Variants in MAP3K13 observed in about 807,000 individuals in gnomAD.
MAP3K13 encodes the protein mitogen-activated protein kinase kinase kinase 13.
A neutral mutation model predicts 104.0 loss-of-function variants in MAP3K13; 52 were observed. The observed-to-expected ratio is 0.50, with a 90% CI of 0.40 to 0.63. The LOEUF is 0.63. Among genes scored for constraint, MAP3K13 ranks in the 20% least tolerant of loss-of-function variants. The probability of loss-of-function intolerance (pLI) is 0.00; values close to 1 mark genes in which losing one functional copy is unlikely to be tolerated. For synonymous variants in MAP3K13, 394 were observed against 442.2 expected, an observed-to-expected ratio of 0.89 and a Z score of 1.37; for missense variants, 914 against 1,218.5, an observed-to-expected ratio of 0.75 and a Z score of 3.72.
chr3:185,323,377 C>G (rs553708180), intron 2 of MAP3K13, among the ~76,000 whole-genome samples: 1 of 141,222 alleles, frequency 7.1e-6, no homozygotes, highest in African/African-American at 2.7e-5. Context: ...GCTCTTGTTG[C>G]CCAGGCCGGA....
At chr3:185,359,920 TA>T (rs1268541413), upstream of MAP3K13, among the ~76,000 whole-genome samples, 8 of 151,640 alleles carry the variant, frequency 5.3e-5, no homozygotes, top group African/African-American at 1.9e-4. Context: ...TTTCCTTTTT[TA>T]AAAACACATT....
chr3:185,419,567 T>G (rs921523534), intron 1 of MAP3K13, among the ~76,000 whole-genome samples: 1 of 152,180 alleles, frequency 6.6e-6, no homozygotes, highest in Non-Finnish European at 1.5e-5. Context: ...AAACATAATT[T>G]CTTAAAATGC....
At chr3:185,287,502 T>G (rs923083341) in intron 2 of MAP3K13, among the ~76,000 whole-genome samples, 1 of 152,220 alleles carries the variant, frequency 6.6e-6, no homozygotes, top group African/African-American at 2.4e-5. Flanking sequence ...TTCTGGTGAC[T>G]TTTACTTCGA....
chr3:185,314,967 T>A (rs1226838514), intron 2 of MAP3K13, among the ~76,000 whole-genome samples: 2 of 152,000 alleles, frequency 1.3e-5, no homozygotes, highest in East Asian at 3.9e-4. Flanking sequence ...AACTGATACA[T>A]GTTGGCCAGG....
chr3:185,367,768 A>C (rs886455477), intron 1 of MAP3K13, among the ~76,000 whole-genome samples: 3 of 152,006 alleles, frequency 2.0e-5, no homozygotes, highest in Non-Finnish European at 4.4e-5. Context: ...GCTATTTCTT[A>C]AATTTTTTAT....
intron 2 of MAP3K13, among the ~76,000 whole-genome samples, chr3:185,354,083 G>GT (rs1358373876): frequency 1.3e-5 from 2 of 152,076 alleles, no homozygotes; most frequent in Non-Finnish European, 2.9e-5. Flanking sequence ...TAAGTAAATC[G>GT]TAAGTATCGG....
chr3:185,451,911 A>G (rs574173465), intron 7 of MAP3K13, among the ~76,000 whole-genome samples: 1 of 152,064 alleles, frequency 6.6e-6, no homozygotes, highest in East Asian at 1.9e-4. Context: ...AAGAAAAAAC[A>G]CGTGTCAGAA....
chr3:185,304,341 G>A (rs1382517105), intron 2 of MAP3K13, among the ~76,000 whole-genome samples: 1 of 152,130 alleles, frequency 6.6e-6, no homozygotes, highest in African/African-American at 2.4e-5. Context: ...TTGGTCTGTA[G>A]GGTTGTATAA....
intron 7 of MAP3K13, among the ~76,000 whole-genome samples, chr3:185,455,716 G>T (rs752623529): frequency 0.037 from 398 of 10,838 alleles, 142 homozygotes; most frequent in Non-Finnish European, 0.074. Context: ...ATATATATGA[G>T]ATATATATGA....
At chr3:185,333,083 T>A (rs1047902200) in intron 2 of MAP3K13, among the ~76,000 whole-genome samples, 4 of 152,236 alleles carry the variant, frequency 2.6e-5, no homozygotes, top group African/African-American at 9.6e-5. Flanking sequence ...TTCTGTGAAC[T>A]CTTCATATTC....
At chr3:185,291,749 CCT>C (rs1355510297) in intron 2 of MAP3K13, 7 of 1,488,406 alleles carry the variant, frequency 4.7e-6, no homozygotes, top group Non-Finnish European at 6.2e-6. Context: ...TCCATTGAAC[CCT>C]CTCACAAAAG....
In MAP3K13 at chr3:185,329,711, T is replaced by C. The variant is rs573787546; in HGVS notation, c.-86+44068T>C. ...TGTCTTGAGATTAGGATCCAGGAAC[T>C]ACACATTGTTACACAAACATATTGA... On this transcript the variant is annotated intron_variant, in intron 2 of 14. Transcript: ENST00000424227. Among the ~76,000 whole-genome samples the C allele has an allele frequency of 2.6e-5, 4 of 152,308 alleles. No homozygotes were observed. In the East Asian group the frequency reaches 5.8e-4, roughly 22 times the overall value.
rs752731809 is a variant in MAP3K13 at position 185,483,176 on chromosome 3, A to C, written c.*720A>C. The C allele has an allele frequency of 4.3e-6, 1 of 233,056 alleles. No homozygotes were observed. Among genetic ancestry groups the C allele is most frequent in the East Asian group, 6.0e-5 (1 of 16,568 alleles). The allele number at this position is 233,056 out of a possible 1,614,324, so 14.4% of individuals were successfully genotyped here. A position where few individuals can be genotyped will look rare whatever the true frequency, so the allele number is the denominator to read the frequency against. On this transcript the variant is annotated 3_prime_UTR_variant, in exon 14 of 14. Transcript: ENST00000265026. ...AAAACAGACAAACAAACAAACAAAC[A>C]AACCTGTGTATGTGGAAGCTGGTTT...
chr3:185,447,760 A>G (rs1315025100), intron 4 of MAP3K13, 29 bp from the exon 5 acceptor site: 3 of 1,559,054 alleles, frequency 1.9e-6, no homozygotes, highest in South Asian at 2.4e-5. Flanking sequence ...CTAATGATCC[A>G]GATGTTTTCT....
In MAP3K13 at chr3:185,418,145, T is replaced by C. The variant is rs946055364; in HGVS notation, c.-85-10352T>C. On this transcript the variant is annotated intron_variant, in intron 1 of 13. Transcript: ENST00000265026. The surrounding 1 kb of genome is among the most constrained non-coding windows in gnomAD (Gnocchi z 4.5). The stretch of plus-strand genomic sequence containing the variant: ...GCCTTGATGATACCATTATCCTCAT[T>C]ATAGATGATGCACAGGCCCCTGCGC... 1 of 1,608,084 alleles carries C rather than the reference T, an allele frequency of 6.2e-7. No individual in the cohort carries two copies. Among genetic ancestry groups the C allele is most frequent in the Non-Finnish European group, 8.5e-7 (1 of 1,176,308 alleles).
chr3:185,379,071 A>AG (rs1301499665), intron 1 of MAP3K13, among the ~76,000 whole-genome samples: 1 of 152,140 alleles, frequency 6.6e-6, no homozygotes, highest in Non-Finnish European at 1.5e-5. Flanking sequence ...ACACGGAGAA[A>AG]GGGGGCGGGC....
At chr3:185,284,113 C>T (rs1428982183) in intron 1 of MAP3K13, among the ~76,000 whole-genome samples, 1 of 151,646 alleles carries the variant, frequency 6.6e-6, no homozygotes, top group African/African-American at 2.4e-5. Flanking sequence ...GCTGGGATTA[C>T]GGGCGTGAAC....
chr3:185,453,151 C>A (rs1715987027), intron 7 of MAP3K13, among the ~76,000 whole-genome samples: 1 of 152,100 alleles, frequency 6.6e-6, no homozygotes, highest in Admixed American at 6.6e-5. Context: ...CAGGCAATAT[C>A]AAAAGGAATG....
At chr3:185,415,577 C>CTTTTTTT (rs869297992) in intron 1 of MAP3K13, among the ~76,000 whole-genome samples, 3 of 72,994 alleles carry the variant, frequency 4.1e-5, no homozygotes, top group African/African-American at 6.7e-5. Context: ...GGGTTAATTT[C>CTTTTTTT]TTTTTTTTTT....
Sources: gnomAD v4.1 joint callset for allele counts (sites outside exome capture counted in the v4.1 genomes callset) on GRCh38, gnomAD v4.1.1 for gene constraint, Gnocchi (gnomAD v3.1) non-coding constraint, MANE v1.5 for transcripts, NCBI Gene and HGNC (gene_info 2026-07-23, HGNC 2026-07-21) for gene names.